Variants in GABRA2 observed in about 807,000 individuals in gnomAD.
The protein encoded by GABRA2 is gamma-aminobutyric acid type A receptor subunit alpha2.
In GABRA2, 16 loss-of-function variants were observed where a neutral mutation model predicts 48.7. That is an observed-to-expected ratio of 0.33 (90% CI 0.22 to 0.50). The LOEUF is 0.50. GABRA2 is among the 20% of genes least tolerant of loss of function. GABRA2 has a pLI of 0.98. For synonymous variants in GABRA2, 185 were observed against 184.5 expected (o/e 1.00, Z -0.02); for missense variants, 275 against 535.6 (o/e 0.51, Z 4.80).
intron 3 of GABRA2, among the ~76,000 whole-genome samples, chr4:46,361,803 G>T (rs1578173003): frequency 6.6e-6 from 1 of 152,332 alleles, no homozygotes; most frequent in East Asian, 1.9e-4. Context: ...CCCACCTCTT[G>T]CATCAGCATT....
In GABRA2 at chr4:46,337,317, C is replaced by T. The variant is rs572416612; in HGVS notation, c.188-4635G>A. Among the ~76,000 whole-genome samples, 138 of 151,976 alleles carry T rather than the reference C, an allele frequency of 9.1e-4. 1 individual carries two copies. Among genetic ancestry groups the T allele is most frequent in the African/African-American group, 3.1e-3 (127 of 41,472 alleles). On this transcript the variant is annotated intron_variant, in intron 3 of 9. Coordinates refer to ENST00000381620, the MANE Select transcript of GABRA2 (RefSeq NM_000807.4). Reference sequence around the variant, plus strand: ...TCCAACAAAGAGCAAAGTAAATATCCGAGGCAGGGAAACTCCTTTGTGCAA... The same window carrying T: ...TCCAACAAAGAGCAAAGTAAATATCTGAGGCAGGGAAACTCCTTTGTGCAA...
Position 46,245,933 on chromosome 4 carries a change from A to G in GABRA2, c.*4375T>C, listed in dbSNP as rs1048147953. Among the ~76,000 whole-genome samples the G allele has an allele frequency of 1.6e-4, 24 of 151,220 alleles. No individual in the cohort carries two copies. The highest frequency in any genetic ancestry group is 2.5e-4 in the Non-Finnish European group (17 of 67,452). ...AAACAAACAAAAATAGAATATTTCA[A>G]CTTAACAAGATGGAAGACACAGTGG... On this transcript the variant is annotated 3_prime_UTR_variant, in exon 10 of 10. Transcript: ENST00000381620.
intron 8 of GABRA2, among the ~76,000 whole-genome samples, chr4:46,283,843 T>A (rs1456185359): frequency 6.6e-6 from 1 of 152,188 alleles, no homozygotes; most frequent in African/African-American, 2.4e-5. Flanking sequence ...CACTGCCAGC[T>A]CCGCCTCCTG....
intron 3 of GABRA2, among the ~76,000 whole-genome samples, chr4:46,335,215 T>C (rs1472174403): frequency 6.6e-6 from 1 of 152,070 alleles, no homozygotes; most frequent in African/African-American, 2.4e-5. Flanking sequence ...TGTAGGCTAT[T>C]TCCAGTAGAA....
Position 46,310,212 on chromosome 4 carries a change from G to T in GABRA2, c.520C>A (p.Pro174Thr). ...AECPMHLEDFPMDAHSCPLKF... is the reference protein window; with the variant it reads ...AECPMHLEDFTMDAHSCPLKF... The stretch of plus-strand genomic sequence containing the variant: ...AGAGGACATGAATGAGCATCCATTG[G>T]GAAATCCTCCAAGTGCATTGGGCAT... Residue 174 changes from proline to threonine, a missense_variant, in exon 6 of 10, where the codon CCA becomes ACA. Coordinates refer to ENST00000381620, the MANE Select transcript of GABRA2 (RefSeq NM_000807.4). 6.2e-7 allele frequency: 1 copy of T among 1,613,434 alleles called. No individual in the cohort carries two copies. Among genetic ancestry groups the T allele is most frequent in the Non-Finnish European group, 8.5e-7 (1 of 1,179,546 alleles).
chr4:46,367,896 T>C (rs1714292776), intron 3 of GABRA2: 1 of 152,140 alleles, frequency 6.6e-6, no homozygotes, highest in Non-Finnish European at 1.5e-5. Context: ...ATGGTAGGGT[T>C]GCACTTCCCT....
At chr4:46,303,054 G>T in intron 8 of GABRA2, 1 of 166,948 alleles carries the variant, frequency 6.0e-6, no homozygotes, top group Non-Finnish European at 1.3e-5. Context: ...TTTAAGGCAG[G>T]CCCCATGCCT....
At chr4:46,291,330 T>A (rs966031127) in intron 8 of GABRA2, among the ~76,000 whole-genome samples, 3 of 152,126 alleles carry the variant, frequency 2.0e-5, no homozygotes, top group Non-Finnish European at 4.4e-5. Context: ...TTTCTAGGAG[T>A]GTGCCCATTA....
chr4:46,372,026 A>C (rs1412978117), intron 3 of GABRA2, among the ~76,000 whole-genome samples: 1 of 152,184 alleles, frequency 6.6e-6, no homozygotes, highest in East Asian at 1.9e-4. Flanking sequence ...TCTTGAGCCC[A>C]ACATAAATGT....
intron 4 of GABRA2, among the ~76,000 whole-genome samples, chr4:46,322,036 A>T (rs111542393): frequency 0.012 from 1,786 of 152,084 alleles, 38 homozygotes; most frequent in African/African-American, 0.041. Flanking sequence ...GCTAACAGAG[A>T]ACTACCAATA....
At chr4:46,261,545 ATACT>A (rs1391725260) in intron 9 of GABRA2, 1 of 291,982 alleles carries the variant, frequency 3.4e-6, no homozygotes, top group African/African-American at 2.1e-5. Context: ...GAGTTCAAGT[ATACT>A]TACTAACAAG....
At chr4:46,342,081 C>G (rs1261279435) in intron 3 of GABRA2, among the ~76,000 whole-genome samples, 1 of 106,578 alleles carries the variant, frequency 9.4e-6, no homozygotes. Flanking sequence ...TGCCAGACTG[C>G]CACTTTTCAC....
At position 46,250,078 on chromosome 4, in the gene GABRA2, G is replaced by C. The variant is rs112636453; in HGVS notation, c.*230C>G. ...AAATTCACTTTAAATCAGGTCCTAG[G>C]GTAAATCTTTAAAAAAGGCAATGGC... On this transcript the variant is annotated 3_prime_UTR_variant, in exon 10 of 10. Transcript: ENST00000381620. 1.3e-5 allele frequency: 6 copies of C among 465,518 alleles called. No homozygotes were observed. The highest frequency in any genetic ancestry group is 9.9e-5 in the African/African-American group (5 of 50,568). 28.8% of individuals were successfully genotyped at this position (465,518 alleles called of 1,614,324 possible).
intron 7 of GABRA2, among the ~76,000 whole-genome samples, chr4:46,304,547 C>T (rs1044967678): frequency 6.6e-6 from 1 of 151,772 alleles, no homozygotes; most frequent in African/African-American, 2.4e-5. Context: ...ATCAGCTTTC[C>T]ACACAGGCCT....
intron 7 of GABRA2, among the ~76,000 whole-genome samples, chr4:46,304,188 C>T (rs565292645): frequency 6.6e-6 from 1 of 152,308 alleles, no homozygotes; most frequent in Non-Finnish European, 1.5e-5. Context: ...TTCATTCCCA[C>T]TGGTATAAAC....
intron 3 of GABRA2, among the ~76,000 whole-genome samples, chr4:46,354,849 CTT>C (rs1183898286): frequency 2.0e-5 from 3 of 152,132 alleles, no homozygotes; most frequent in Admixed American, 6.6e-5. Flanking sequence ...GCTTGCCACT[CTT>C]TTTGTACACA....
At chr4:46,357,894 G>A (rs373195596) in intron 3 of GABRA2, among the ~76,000 whole-genome samples, 13 of 151,942 alleles carry the variant, frequency 8.6e-5, no homozygotes, top group South Asian at 8.3e-4. Context: ...TCTTGACTTC[G>A]TGATCCACCC....
chr4:46,362,273 T>C (rs1449001909), intron 3 of GABRA2, among the ~76,000 whole-genome samples: 1 of 152,214 alleles, frequency 6.6e-6, no homozygotes, highest in Non-Finnish European at 1.5e-5. Flanking sequence ...TCATGAGATC[T>C]GATGATTTTA....
chr4:46,351,097 A>G (rs1735048422), intron 3 of GABRA2, among the ~76,000 whole-genome samples: 2 of 149,296 alleles, frequency 1.3e-5, no homozygotes, highest in Non-Finnish European at 3.0e-5. Flanking sequence ...ATTTTATTAC[A>G]TGGTCTCATT....
Sources: allele counts gnomAD v4.1 joint callset (sites outside exome capture counted in the v4.1 genomes callset), GRCh38; gene constraint gnomAD v4.1.1; transcripts MANE v1.5; gene names NCBI Gene and HGNC (gene_info 2026-07-23, HGNC 2026-07-21).